The following KSR2 variants were observed in gnomAD, a reference collection of about 807,000 sequenced individuals.
The protein encoded by KSR2 is kinase suppressor of ras 2.
A neutral mutation model predicts 107.8 loss-of-function variants in KSR2; 25 were observed. The ratio of observed to expected loss-of-function variants is 0.23; its 90% confidence interval spans 0.17 to 0.32. KSR2 has a LOEUF of 0.32. Among genes scored for constraint, KSR2 ranks in the 10% least tolerant of loss-of-function variants. KSR2 has a pLI of 1.00. For missense variants in KSR2, 887 were observed against 1,268.9 expected (o/e 0.70, Z 4.57); for synonymous variants, 480 against 507.0 (o/e 0.95, Z 0.71).
rs571025448 is a variant in KSR2, at chr12:117,758,955, A to AC, written c.986+2055dup. ...GCACTCCCAGCCTTCCTGGAACTTT[A>AC]CCCCACATCTTCACCTTGAGGTTTC... On this transcript the variant is annotated intron_variant, in intron 4 of 19. Coordinates refer to ENST00000339824, the MANE Select transcript of KSR2 (RefSeq NM_173598.6). Among the ~76,000 whole-genome samples the AC allele has an allele frequency of 6.6e-5, 10 of 151,884 alleles. No homozygotes were observed. In the South Asian group the frequency reaches 1.9e-3, roughly 29 times the overall value.
chr12:117,837,566 A>G (rs995242468), intron 3 of KSR2, among the ~76,000 whole-genome samples: 3 of 152,098 alleles, frequency 2.0e-5, no homozygotes, highest in African/African-American at 7.2e-5. Context: ...CTAGGATTGA[A>G]AGCAACAATG....
intron 1 of KSR2, among the ~76,000 whole-genome samples, chr12:117,908,609 G>A (rs1413139079): frequency 6.6e-6 from 1 of 152,184 alleles, no homozygotes; most frequent in Non-Finnish European, 1.5e-5. Context: ...TCAATGTGCT[G>A]TCACTCTTAC....
intron 4 of KSR2, 50 bp downstream of exon 4, chr12:117,760,961 C>G: frequency 6.2e-7 from 1 of 1,608,294 alleles, no homozygotes; most frequent in Non-Finnish European, 8.5e-7. Flanking sequence ...GGGGCAGCCC[C>G]TCGCAGGCCG....
At chr12:117,512,112 A>C (rs890143937) in intron 14 of KSR2, among the ~76,000 whole-genome samples, 1 of 152,262 alleles carries the variant, frequency 6.6e-6, no homozygotes, top group Non-Finnish European at 1.5e-5. Flanking sequence ...TTGAGATGTC[A>C]AATGTCACTG....
chr12:117,528,711 G>T (rs1875397942), intron 12 of KSR2, among the ~76,000 whole-genome samples: 1 of 152,226 alleles, frequency 6.6e-6, no homozygotes, highest in African/African-American at 2.4e-5. Context: ...TGCCCTGGGG[G>T]AGACTTGGCT....
At chr12:117,699,936 G>A (rs586410) in intron 4 of KSR2, among the ~76,000 whole-genome samples, 60,458 of 151,632 alleles carry the variant, frequency 0.4, 14,229 homozygotes, top group South Asian at 0.55. Context: ...GCAGTGGCGC[G>A]ACCTTGGCTC....
chr12:117,487,940 C>T (rs2137148336), intron 14 of KSR2, among the ~76,000 whole-genome samples: 1 of 152,208 alleles, frequency 6.6e-6, no homozygotes, highest in South Asian at 2.1e-4. Flanking sequence ...TGGCTGTGTC[C>T]CCACCCAAAT....
intron 1 of KSR2, among the ~76,000 whole-genome samples, chr12:117,937,566 A>G (rs568328453): frequency 6.6e-6 from 1 of 152,238 alleles, no homozygotes; most frequent in African/African-American, 2.4e-5. Context: ...GGCAAATGAG[A>G]CTGCCTTATT....
chr12:117,835,189 T>C (rs1892150297), intron 3 of KSR2, among the ~76,000 whole-genome samples: 1 of 152,178 alleles, frequency 6.6e-6, no homozygotes, highest in Non-Finnish European at 1.5e-5. Flanking sequence ...GCATCCTGCC[T>C]CCAGCCCTGA....
intron 4 of KSR2, among the ~76,000 whole-genome samples, chr12:117,682,486 C>T (rs555701861): frequency 2.2e-4 from 34 of 151,994 alleles, no homozygotes; most frequent in African/African-American, 7.0e-4. Flanking sequence ...GGCGCAATCT[C>T]GGCTCACCGC....
chr12:117,856,995 T>C (rs1300543243), intron 2 of KSR2, among the ~76,000 whole-genome samples: 1 of 152,168 alleles, frequency 6.6e-6, no homozygotes, highest in Admixed American at 6.5e-5. Flanking sequence ...CTTTCTCAAA[T>C]AGGGACACAT....
Position 117,667,539 on chromosome 12 carries a change from A to G in KSR2, c.1106T>C (p.Phe369Ser). The stretch of plus-strand genomic sequence containing the variant: ...AGGCAGGAAAGGTGCGTGTCCCACA[A>G]AGAAGGAGCGGAGGGAGCGCTCGGA... ...LLSERSLRSFFVGHAPFLPST... is the reference protein window; with the variant it reads ...LLSERSLRSFSVGHAPFLPST... Residue 369 changes from phenylalanine (F) to serine (S), a missense_variant, in exon 5 of 20, where the codon TTT becomes TCT. Phe to Ser is a radical substitution (Grantham distance 155, BLOSUM62 -2). This residue lies in a region of KSR2 where 399 missense variants were observed against 479.5 expected (regional missense o/e 0.83). Coordinates refer to ENST00000339824, the MANE Select transcript of KSR2 (RefSeq NM_173598.6). The G allele has an allele frequency of 2.5e-6, 4 of 1,613,010 alleles. No individual in the cohort carries two copies. The highest frequency in any genetic ancestry group is 3.4e-6 in the Non-Finnish European group (4 of 1,179,628).
chr12:117,606,401 T>TCTCCTTCCTTCCTCCCTCCC (rs1881245320), intron 5 of KSR2, among the ~76,000 whole-genome samples: 2 of 4,936 alleles, frequency 4.1e-4, no homozygotes, highest in African/African-American at 1.4e-3. Context: ...CCCTCCCTCC[T>TCTCCTTCCTTCCTCCCTCCC]CTCCTTCCTC....
At chr12:117,844,974 G>C (rs547345423) in intron 3 of KSR2, among the ~76,000 whole-genome samples, 1 of 152,130 alleles carries the variant, frequency 6.6e-6, no homozygotes, top group Non-Finnish European at 1.5e-5. Context: ...GTGAAACCCC[G>C]TCTCTACTAA....
rs772173476 is a variant in KSR2 at position 117,761,228 on chromosome 12, C to G, written c.769G>C (p.Ala257Pro). The G allele has an allele frequency of 6.5e-7, 1 of 1,542,670 alleles. No homozygotes were observed. Among genetic ancestry groups the G allele is most frequent in the Non-Finnish European group, 8.7e-7 (1 of 1,145,812 alleles). Residue 257 changes from alanine to proline, a missense_variant, in exon 4 of 20, where the codon GCG becomes CCG. Physicochemically the swap from Ala to Pro is conservative, Grantham distance 27 (BLOSUM62 -1). Coordinates refer to ENST00000339824, the MANE Select transcript of KSR2 (RefSeq NM_173598.6). ...SLPPSPRQRH[A>P]VRTPPRTPNI... ...GGGGTGCGCGGCGGGGTGCGGACCG[C>G]GTGCCGCTGCCGGGGCGATGGGGGC...
intron 4 of KSR2, among the ~76,000 whole-genome samples, chr12:117,685,868 T>C (rs1318281181): frequency 6.6e-6 from 1 of 151,736 alleles, no homozygotes; most frequent in Non-Finnish European, 1.5e-5. Flanking sequence ...ATTACCTAAG[T>C]TACCTTGGAT....
At chr12:117,887,676 T>G (rs1452049432) in intron 1 of KSR2, among the ~76,000 whole-genome samples, 1 of 152,184 alleles carries the variant, frequency 6.6e-6, no homozygotes, top group African/African-American at 2.4e-5. Context: ...CCAGGGTTGC[T>G]TCACTCAGTG....
At chr12:117,954,818 C>A (rs1896459558) in intron 1 of KSR2, among the ~76,000 whole-genome samples, 1 of 152,062 alleles carries the variant, frequency 6.6e-6, no homozygotes, top group East Asian at 1.9e-4. Context: ...GAGTTTGAGA[C>A]CAGCCTGGCT....
chr12:117,918,621 T>C (rs1895251262), intron 1 of KSR2, among the ~76,000 whole-genome samples: 2 of 150,880 alleles, frequency 1.3e-5, no homozygotes, highest in Non-Finnish European at 2.9e-5. Flanking sequence ...AAACCCTGTA[T>C]CTACTAAAAA....
Sources: gnomAD v4.1 joint callset for allele counts (sites outside exome capture counted in the v4.1 genomes callset) on GRCh38, gnomAD v4.1.1 for gene constraint, gnomAD v4.1.1 regional missense constraint, MANE v1.5 for transcripts, NCBI Gene and HGNC (gene_info 2026-07-23, HGNC 2026-07-21) for gene names.